The following H2BC12 variants were observed in gnomAD, a reference collection of about 807,000 sequenced individuals.
H2BC12 encodes H2B clustered histone 12.
H2BC12 carries 6 observed loss-of-function variants against 6.3 expected under a neutral mutation model. That is an observed-to-expected ratio of 0.95 (90% confidence interval 0.52 to 1.87). The LOEUF is 1.87. H2BC12 is among the 40% of genes most tolerant of loss of function. H2BC12 has a pLI of 0.01. For synonymous variants in H2BC12, 132 were observed against 78.5 expected, an observed-to-expected ratio of 1.68 and a Z score of -3.60; for missense variants, 119 against 178.4, an observed-to-expected ratio of 0.67 and a Z score of 1.90.
At chr6:27,143,287 G>C (rs985378829), downstream of H2BC12, among the ~76,000 whole-genome samples, 26 of 152,168 alleles carry the variant, frequency 1.7e-4, no homozygotes, top group Middle Eastern at 3.4e-3. Context: ...AGGAGACAGA[G>C]GTTGCAGTGA....
At chr6:27,139,622 T>C in the H2BC12 span, 3 of 1,604,860 alleles carry the variant, frequency 1.9e-6, no homozygotes, top group Non-Finnish European at 2.6e-6. Flanking sequence ...GGCGGCTAAA[T>C]GGCATTTTGA....
chr6:27,141,349 TGAGA>T, the H2BC12 span, among the ~76,000 whole-genome samples: 519 of 152,258 alleles, frequency 3.4e-3, 5 homozygotes, highest in Non-Finnish European at 5.5e-3. Context: ...CATATTCTTG[TGAGA>T]TAGATTTTAT....
chr6:27,145,106 T>C (rs1760055130), downstream of H2BC12, among the ~76,000 whole-genome samples: 1 of 152,204 alleles, frequency 6.6e-6, no homozygotes, highest in Non-Finnish European at 1.5e-5. Flanking sequence ...ATATAATTAT[T>C]TGTTGATACA....
rs772305674 is a variant in H2BC12 at position 27,146,457 on chromosome 6, C to T, written c.342G>A (p.Glu114=). 3.7e-5 allele frequency: 59 copies of T among 1,614,134 alleles called. No individual in the cohort carries two copies. The highest frequency in any genetic ancestry group is 4.8e-5 in the Non-Finnish European group (57 of 1,180,062). ...PGELAKHAVS[E]GTKAVTKYTS... ...TGTACTTGGTGACGGCCTTGGTGCCCTCGGACACGGCGTGCTTGGCCAACT... is the reference window on the plus strand; with the variant it reads ...TGTACTTGGTGACGGCCTTGGTGCCTTCGGACACGGCGTGCTTGGCCAACT... Residue 114 remains glutamate (E), a synonymous_variant, in exon 1 of 1, where the codon GAG becomes GAA. Coordinates refer to ENST00000356950, the MANE Select transcript of H2BC12 (RefSeq NM_001312653.2).
the H2BC12 span, chr6:27,139,094 G>C: frequency 2.1e-6 from 1 of 477,996 alleles, no homozygotes; most frequent in Non-Finnish European, 3.6e-6. Context: ...AATGAAAAAA[G>C]GAAAAACAGC....
the H2BC12 span, chr6:27,139,503 C>T: frequency 2.0e-5 from 32 of 1,610,566 alleles, no homozygotes; most frequent in Non-Finnish European, 2.5e-5. Context: ...TCCTGGAGAA[C>T]GTGATCCGGG....
downstream of H2BC12, among the ~76,000 whole-genome samples, chr6:27,142,558 CCAGA>C (rs988592125): frequency 2.4e-4 from 36 of 151,302 alleles, no homozygotes; most frequent in Admixed American, 8.6e-4. Context: ...GCCACTGTGC[CCAGA>C]CAATTTTTTT....
downstream of H2BC12, among the ~76,000 whole-genome samples, chr6:27,144,472 G>T (rs1030032626): frequency 1.7e-5 from 2 of 119,746 alleles, no homozygotes; most frequent in Non-Finnish European, 3.5e-5. Context: ...GGGGGGGGGG[G>T]GGGGGCGGAA....
downstream of H2BC12, among the ~76,000 whole-genome samples, chr6:27,142,494 C>A (rs1456955657): frequency 6.6e-6 from 1 of 151,994 alleles, no homozygotes; most frequent in African/African-American, 2.4e-5. Context: ...GAACTCCTGA[C>A]CTCAGGTCAT....
Position 27,146,475 on chromosome 6 carries a change from G to A in H2BC12, c.324C>T (p.Ala108=), listed in dbSNP as rs144656204. Residue 108 remains alanine (A), a synonymous_variant, in exon 1 of 1, where the codon GCC becomes GCT. Coordinates refer to ENST00000356950, the MANE Select transcript of H2BC12 (RefSeq NM_001312653.2). ...AVRLLLPGEL[A]KHAVSEGTKA... ...TGGTGCCCTCGGACACGGCGTGCTTGGCCAACTCCCCGGGCAGCAGCAGGC... is the reference window on the plus strand; with the variant it reads ...TGGTGCCCTCGGACACGGCGTGCTTAGCCAACTCCCCGGGCAGCAGCAGGC... 2.5e-4 allele frequency: 396 copies of A among 1,614,114 alleles called. No individual in the cohort carries two copies. Among genetic ancestry groups the A allele is most frequent in the Non-Finnish European group, 3.1e-4 (363 of 1,180,052 alleles).
At chr6:27,145,822 A>G (rs1336151363), downstream of H2BC12, among the ~76,000 whole-genome samples, 2 of 152,280 alleles carry the variant, frequency 1.3e-5, no homozygotes, top group East Asian at 1.9e-4. Flanking sequence ...ACCCTTGCAG[A>G]CTATCCTGCC....
chr6:27,139,786 G>T, the H2BC12 span: 4 of 1,188,736 alleles, frequency 3.4e-6, no homozygotes, highest in Admixed American at 5.9e-5. Context: ...AAAATGGGCT[G>T]ATGACTACAG....
At chr6:27,143,146 G>A (rs895387402), downstream of H2BC12, among the ~76,000 whole-genome samples, 3 of 152,158 alleles carry the variant, frequency 2.0e-5, no homozygotes, top group South Asian at 6.2e-4. Context: ...TAAGTCAGGA[G>A]TTCAGGACCA....
At chr6:27,145,700 G>A (rs1463119478), downstream of H2BC12, among the ~76,000 whole-genome samples, 1 of 152,116 alleles carries the variant, frequency 6.6e-6, no homozygotes, top group Non-Finnish European at 1.5e-5. Context: ...ATTACTGATT[G>A]GACCAATTGA....
chr6:27,143,072 G>C (rs1467821840), downstream of H2BC12, among the ~76,000 whole-genome samples: 2 of 152,168 alleles, frequency 1.3e-5, no homozygotes, highest in African/African-American at 2.4e-5. Context: ...CCCAGGCCCA[G>C]TGCGGTGGCT....
chr6:27,139,978 G>A, the H2BC12 span: 5 of 220,742 alleles, frequency 2.3e-5, no homozygotes, highest in South Asian at 1.2e-4. Flanking sequence ...CTTCAAATAC[G>A]TCTCAGGAGA....
downstream of H2BC12, among the ~76,000 whole-genome samples, chr6:27,142,636 C>CTTTTTTTT (rs759784250): frequency 4.0e-5 from 4 of 100,292 alleles, no homozygotes; most frequent in Admixed American, 1.2e-4. Flanking sequence ...TCCCCCCCTC[C>CTTTTTTTT]TTTTTTTTTT....
chr6:27,139,455 C>T, the H2BC12 span: 8 of 1,614,204 alleles, frequency 5.0e-6, no homozygotes, highest in African/African-American at 9.3e-5. Flanking sequence ...GCATTTCTGG[C>T]CTCATCTATG....
chr6:27,141,070 C>T, the H2BC12 span, among the ~76,000 whole-genome samples: 1 of 150,034 alleles, frequency 6.7e-6, no homozygotes, highest in African/African-American at 2.4e-5. Context: ...AAACAAAAAA[C>T]ATTTAGGCGG....
Sources: gnomAD v4.1 joint callset for allele counts (sites outside exome capture counted in the v4.1 genomes callset) on GRCh38, gnomAD v4.1.1 for gene constraint, MANE v1.5 for transcripts, NCBI Gene and HGNC (gene_info 2026-07-23, HGNC 2026-07-21) for gene names.